The following EYS variants were observed in gnomAD, a reference collection of about 807,000 sequenced individuals.
EYS encodes the protein protein eyes shut homolog.
Under a neutral mutation model 282.1 loss-of-function variants are expected in EYS, and 250 were observed. The observed-to-expected ratio is 0.89, with a 90% confidence interval of 0.80 to 0.98. The LOEUF (loss-of-function observed/expected upper bound fraction) is 0.98. Among genes scored for constraint, EYS ranks in the 50% least tolerant of loss-of-function variants. The pLI is 0.00. For synonymous variants in EYS, 1,355 were observed against 1,282.9 expected, an observed-to-expected ratio of 1.06 and a Z score of -1.20; for missense variants, 4,016 against 3,709.0, an observed-to-expected ratio of 1.08 and a Z score of -2.15.
At chr6:64,155,283 G>C (rs1479809054) in intron 31 of EYS, among the ~76,000 whole-genome samples, 1 of 151,970 alleles carries the variant, frequency 6.6e-6, no homozygotes, top group Non-Finnish European at 1.5e-5. Context: ...TTTATCATCA[G>C]CATCTAAAAG....
intron 7 of EYS, among the ~76,000 whole-genome samples, chr6:65,388,250 C>T (rs550944041): frequency 6.6e-6 from 1 of 151,994 alleles, no homozygotes; most frequent in Non-Finnish European, 1.5e-5. Flanking sequence ...TACCTCTATC[C>T]TAGAATATAG....
chr6:64,116,185 C>G (rs115457473), intron 31 of EYS, among the ~76,000 whole-genome samples: 4,363 of 151,972 alleles, frequency 0.029, 66 homozygotes, highest in Non-Finnish European at 0.046. Context: ...CTTCTGTGGA[C>G]CTGAAGACAG....
intron 22 of EYS, among the ~76,000 whole-genome samples, chr6:64,655,305 A>G (rs1205862944): frequency 6.6e-6 from 1 of 151,840 alleles, no homozygotes; most frequent in Non-Finnish European, 1.5e-5. Context: ...TTTTATTTTG[A>G]TAAAATAAGT....
chr6:64,450,990 C>T (rs936665908), intron 26 of EYS, among the ~76,000 whole-genome samples: 21 of 151,908 alleles, frequency 1.4e-4, no homozygotes, highest in Non-Finnish European at 2.9e-5. Flanking sequence ...TAGCAGAAGG[C>T]AAGAAATAAC....
chr6:63,973,396 G>A (rs1441585140), intron 35 of EYS, among the ~76,000 whole-genome samples: 1 of 152,008 alleles, frequency 6.6e-6, no homozygotes, highest in East Asian at 1.9e-4. Flanking sequence ...AAATTTACAA[G>A]AAGAGAACTA....
chr6:65,293,913 A>G (rs73443132), intron 12 of EYS, among the ~76,000 whole-genome samples: 6,341 of 152,032 alleles, frequency 0.042, 215 homozygotes, highest in African/African-American at 0.093. Flanking sequence ...ATAAAAAGCC[A>G]TGGTTACGTT....
intron 36 of EYS, among the ~76,000 whole-genome samples, chr6:63,855,827 C>A (rs1772376328): frequency 1.3e-5 from 2 of 152,152 alleles, no homozygotes; most frequent in Admixed American, 1.3e-4. Flanking sequence ...TCATTTTAAA[C>A]AGTTCTTACT....
intron 12 of EYS, among the ~76,000 whole-genome samples, chr6:65,253,036 A>T (rs983119407): frequency 3.3e-5 from 5 of 152,098 alleles, no homozygotes; most frequent in African/African-American, 1.2e-4. Context: ...AAACAAACAA[A>T]ACAAAAACCT....
intron 19 of EYS, among the ~76,000 whole-genome samples, chr6:64,864,434 G>A (rs1766354971): frequency 1.0e-5 from 1 of 98,566 alleles, no homozygotes; most frequent in Admixed American, 1.3e-4. Flanking sequence ...TCACCAGGCT[G>A]GAGTGCAGTG....
intron 35 of EYS, among the ~76,000 whole-genome samples, chr6:63,881,784 CAT>C: frequency 6.6e-6 from 1 of 151,986 alleles, no homozygotes; most frequent in Non-Finnish European, 1.5e-5. Flanking sequence ...TAAAGTGTAA[CAT>C]GGGTTAGAAA....
intron 35 of EYS, among the ~76,000 whole-genome samples, chr6:63,970,903 G>C (rs1046061059): frequency 4.6e-5 from 7 of 152,180 alleles, no homozygotes; most frequent in African/African-American, 1.7e-4. Context: ...CAATATGAAT[G>C]CATGTCAAGA....
At chr6:64,760,627 T>A (rs931994200) in intron 22 of EYS, among the ~76,000 whole-genome samples, 3 of 152,206 alleles carry the variant, frequency 2.0e-5, no homozygotes, top group African/African-American at 7.2e-5. Flanking sequence ...CAATGTGCCC[T>A]CCCAGAAGAC....
chr6:65,238,889 G>T (rs1766990456), intron 12 of EYS, among the ~76,000 whole-genome samples: 1 of 151,916 alleles, frequency 6.6e-6, no homozygotes, highest in African/African-American at 2.4e-5. Context: ...ATGCTACAAT[G>T]ACAAGTCAGT....
intron 30 of EYS, among the ~76,000 whole-genome samples, chr6:64,252,058 T>C (rs750734165): frequency 6.6e-6 from 1 of 152,170 alleles, no homozygotes; most frequent in South Asian, 2.1e-4. Context: ...GAAGTCAGTA[T>C]AAATTATGAT....
chr6:65,606,576 GTAAT>G (rs2149792779), intron 2 of EYS, among the ~76,000 whole-genome samples: 1 of 151,824 alleles, frequency 6.6e-6, no homozygotes, highest in African/African-American at 2.4e-5. Context: ...AATGACAATC[GTAAT>G]TAATTACTCT....
chr6:64,358,751 TG>T (rs1387195216), intron 29 of EYS, among the ~76,000 whole-genome samples: 1 of 151,660 alleles, frequency 6.6e-6, no homozygotes, highest in African/African-American at 2.4e-5. Context: ...AAGAATTCAA[TG>T]CCAGAAAATG....
At chr6:64,296,221 G>T (rs1260031242) in intron 30 of EYS, among the ~76,000 whole-genome samples, 1 of 152,080 alleles carries the variant, frequency 6.6e-6, no homozygotes, top group African/African-American at 2.4e-5. Context: ...ATATGTATGT[G>T]TTGGGAGGCC....
intron 15 of EYS, among the ~76,000 whole-genome samples, chr6:64,914,622 A>G (rs1311751405): frequency 2.0e-5 from 3 of 152,130 alleles, no homozygotes; most frequent in Non-Finnish European, 4.4e-5. Flanking sequence ...GGAGGAGATA[A>G]TTGAACAAAT....
intron 29 of EYS, among the ~76,000 whole-genome samples, chr6:64,308,472 G>T (rs918042634): frequency 3.9e-5 from 6 of 151,998 alleles, no homozygotes; most frequent in Non-Finnish European, 2.9e-5. Flanking sequence ...TCATTCAGAT[G>T]CTGTCCTCTG....
Sources: allele counts gnomAD v4.1 joint callset (sites outside exome capture counted in the v4.1 genomes callset), GRCh38; gene constraint gnomAD v4.1.1; transcripts MANE v1.5; gene names NCBI Gene and HGNC (gene_info 2026-07-23, HGNC 2026-07-21).